The following ITPR2 variants were observed in gnomAD, a reference collection of about 807,000 sequenced individuals.
The protein encoded by ITPR2 is inositol 1,4,5-trisphosphate-gated calcium channel ITPR2.
In ITPR2, 207 loss-of-function variants were observed where a neutral mutation model predicts 317.1. The ratio of observed to expected loss-of-function variants is 0.65; its 90% CI spans 0.58 to 0.73. The LOEUF (loss-of-function observed/expected upper bound fraction) is 0.73, where lower values mean the gene tolerates loss of function less well. ITPR2 is among the 30% of genes least tolerant of loss of function. ITPR2 has a pLI of 0.00. For missense variants in ITPR2, 2,613 were observed against 3,284.0 expected (o/e 0.80, Z 4.99); for synonymous variants, 1,156 against 1,149.1 (o/e 1.01, Z -0.12).
At chr12:26,682,294 G>T (rs548544072) in intron 12 of ITPR2, among the ~76,000 whole-genome samples, 6 of 152,284 alleles carry the variant, frequency 3.9e-5, no homozygotes, top group African/African-American at 1.4e-4. Flanking sequence ...ACAGAGTAGA[G>T]AAAAGGCACT....
intron 2 of ITPR2, among the ~76,000 whole-genome samples, chr12:26,749,223 T>C (rs2137099761): frequency 6.6e-6 from 1 of 152,306 alleles, no homozygotes; most frequent in East Asian, 1.9e-4. Flanking sequence ...GACTGACTTT[T>C]AAATGTCCAA....
At chr12:26,346,311 G>A (rs1412506927) in intron 55 of ITPR2, among the ~76,000 whole-genome samples, 2 of 152,192 alleles carry the variant, frequency 1.3e-5, no homozygotes, top group Non-Finnish European at 2.9e-5. Flanking sequence ...AAAATGATTA[G>A]GTTGCAAGTG....
At chr12:26,699,668 G>C (rs1033572655) in intron 9 of ITPR2, among the ~76,000 whole-genome samples, 6 of 152,040 alleles carry the variant, frequency 3.9e-5, no homozygotes, top group Admixed American at 2.0e-4. Context: ...AAAGGAAGAG[G>C]AGAAGGGAAA....
At chr12:26,761,018 G>A (rs750569589) in intron 2 of ITPR2, among the ~76,000 whole-genome samples, 5 of 152,044 alleles carry the variant, frequency 3.3e-5, no homozygotes, top group Non-Finnish European at 7.4e-5. Flanking sequence ...ATAGGTTCAG[G>A]CTTAAGGGCC....
In ITPR2 at chr12:26,656,212, A is replaced by G; in HGVS notation, c.2444+85T>C. 5 of 1,519,428 alleles carry G rather than the reference A, an allele frequency of 3.3e-6. No individual in the cohort carries two copies. The South Asian group carries it at 6.2e-5, about 19-fold the overall frequency. The allele number at this position is 1,519,428 out of a possible 1,614,324, so 94.1% of individuals were successfully genotyped here. A position where few individuals can be genotyped will look rare whatever the true frequency, so the allele number is the denominator to read the frequency against. Reference sequence around the variant, plus strand: ...AGACAGGATACACAAATGCCTTTCCACATGTTTCATTTCAAAACTGTAGAC... The same window carrying G: ...AGACAGGATACACAAATGCCTTTCCGCATGTTTCATTTCAAAACTGTAGAC... On this transcript the variant is annotated intron_variant, in intron 19 of 56. Transcript: ENST00000381340.
chr12:26,367,049 TC>T (rs1939035024), intron 55 of ITPR2, among the ~76,000 whole-genome samples: 1 of 152,196 alleles, frequency 6.6e-6, no homozygotes, highest in African/African-American at 2.4e-5. Context: ...TAATTCTTGA[TC>T]TATTGAATTC....
intron 37 of ITPR2, among the ~76,000 whole-genome samples, chr12:26,530,745 GTATATC>G (rs1422592821): frequency 3.3e-5 from 5 of 152,062 alleles, no homozygotes; most frequent in African/African-American, 1.2e-4. Flanking sequence ...AAACACTGTA[GTATATC>G]TACATAGGAC....
chr12:26,711,465 C>T (rs1948641159), intron 8 of ITPR2, among the ~76,000 whole-genome samples, 197 bp from the exon 9 acceptor site: 1 of 152,196 alleles, frequency 6.6e-6, no homozygotes, highest in Non-Finnish European at 1.5e-5. Flanking sequence ...GTTGTTAACT[C>T]GTGCATGCAT....
intron 9 of ITPR2, among the ~76,000 whole-genome samples, chr12:26,698,283 G>C (rs1378804180): frequency 1.3e-5 from 2 of 152,220 alleles, no homozygotes; most frequent in African/African-American, 4.8e-5. Flanking sequence ...GTGTAAAACA[G>C]AGCCAGAAAT....
In ITPR2 at chr12:26,657,788, G is replaced by A. The variant is rs369876845; in HGVS notation, c.2111C>T (p.Pro704Leu). Residue 704 changes from proline (P) to leucine (L), a missense_variant, in exon 18 of 57, where the codon CCT (proline) becomes CTT (leucine). This residue lies in a region of ITPR2 where 817 missense variants were observed against 897.6 expected (regional missense o/e 0.91). Transcript: ENST00000381340. ...WLYWIDSNKE[P>L]HGKAIRHLAQ... ...AAGGTGCCTGATAGCTTTGCCATGA[G>A]GTTCCTTGTTGCTGTCAATCCAATA... is the stretch of plus-strand genomic sequence containing the variant. 8.1e-6 allele frequency: 13 copies of A among 1,614,044 alleles called. No homozygotes were observed. Among genetic ancestry groups the A allele is most frequent in the African/African-American group, 1.3e-5 (1 of 74,924 alleles).
chr12:26,799,410 C>T lies in ITPR2; in HGVS notation c.93-9183G>A, dbSNP rs540196409. 2.0e-5 allele frequency among the ~76,000 whole-genome samples: 3 copies of T among 152,290 alleles called. No homozygotes were observed. The South Asian group carries it at 6.2e-4, about 32-fold the overall frequency. On this transcript the variant is annotated intron_variant, in intron 1 of 56. Coordinates refer to ENST00000381340, the MANE Select transcript of ITPR2 (RefSeq NM_002223.4). ...GTATCACATGACTACAAGGAGAATG[C>T]TATTTCCAACATATTAATCTTTTCA...
At chr12:26,761,721 C>T (rs12581084) in intron 2 of ITPR2, among the ~76,000 whole-genome samples, 31,019 of 152,118 alleles carry the variant, frequency 0.2, 3,804 homozygotes, top group Non-Finnish European at 0.28. Flanking sequence ...CACTTTAGTC[C>T]GGGGATTCAA....
At chr12:26,644,939 C>T (rs181827978) in intron 21 of ITPR2, among the ~76,000 whole-genome samples, 2 of 152,172 alleles carry the variant, frequency 1.3e-5, no homozygotes, top group Non-Finnish European at 2.9e-5. Flanking sequence ...ACTTCAAGCA[C>T]GGTCACTCAC....
chr12:26,558,958 A>G (rs1944739326), intron 35 of ITPR2, among the ~76,000 whole-genome samples: 1 of 152,170 alleles, frequency 6.6e-6, no homozygotes, highest in South Asian at 2.1e-4. Context: ...AATCATATCA[A>G]AACCAGAGTC....
At chr12:26,783,379 G>A (rs1333143618) in intron 2 of ITPR2, among the ~76,000 whole-genome samples, 1 of 152,146 alleles carries the variant, frequency 6.6e-6, no homozygotes, top group Non-Finnish European at 1.5e-5. Flanking sequence ...CAAGAGAAGT[G>A]GCTGTCTTCT....
chr12:26,414,087 A>AC lies in ITPR2; in HGVS notation c.7306+1215_7306+1216insG, dbSNP rs58488438. Among the ~76,000 whole-genome samples, 191 of 150,978 alleles carry AC rather than the reference A, an allele frequency of 1.3e-3. 1 individual carries two copies. Among genetic ancestry groups the AC allele is most frequent in the African/African-American group, 3.8e-3 (155 of 41,116 alleles). On this transcript the variant is annotated intron_variant, in intron 51 of 56. Transcript: ENST00000381340. ...CACACACACACACACACACACACAC[A>AC]AACACAAGTCCCCATATTTATACCT... is the stretch of plus-strand genomic sequence containing the variant.
At position 26,540,932 on chromosome 12, in the gene ITPR2, A is replaced by G. The variant is rs531501884; in HGVS notation, c.5073+9315T>C. On this transcript the variant is annotated intron_variant, in intron 37 of 56. Transcript: ENST00000381340. ...AAGTGGAAGAGCATGCTAATAATGT[A>G]TACTAAAGCAGATGTCTTATTATAA... Among the ~76,000 whole-genome samples the G allele has an allele frequency of 1.3e-4, 20 of 152,302 alleles. No individual in the cohort carries two copies. The South Asian group carries it at 1.7e-3, about 13-fold the overall frequency.
chr12:26,804,695 A>C (rs1278001131), intron 1 of ITPR2, among the ~76,000 whole-genome samples: 1 of 152,050 alleles, frequency 6.6e-6, no homozygotes, highest in Non-Finnish European at 1.5e-5. Context: ...TAGATAATGA[A>C]TTTATCTCTA....
intron 37 of ITPR2, among the ~76,000 whole-genome samples, chr12:26,510,483 A>G (rs1168802691): frequency 6.6e-6 from 1 of 152,236 alleles, no homozygotes; most frequent in Admixed American, 6.5e-5. Context: ...TTACAGCTTT[A>G]GCAGGCTAGA....
Sources: gnomAD v4.1 joint callset for allele counts (sites outside exome capture counted in the v4.1 genomes callset) on GRCh38, gnomAD v4.1.1 for gene constraint, gnomAD v4.1.1 regional missense constraint, MANE v1.5 for transcripts, NCBI Gene and HGNC (gene_info 2026-07-23, HGNC 2026-07-21) for gene names.